The following SLC27A2 variants were observed in gnomAD, a reference collection of about 807,000 sequenced individuals.
SLC27A2 encodes long-chain fatty acid transport protein 2.
SLC27A2 carries 54 observed loss-of-function variants against 60.0 expected under a neutral mutation model. The ratio of observed to expected loss-of-function variants is 0.90; its 90% confidence interval spans 0.72 to 1.13. SLC27A2 has a LOEUF of 1.13. SLC27A2 is among the 50% of genes most tolerant of loss of function. The pLI, the probability that SLC27A2 is intolerant of heterozygous loss-of-function variation, is 0.00. For missense variants in SLC27A2, 739 were observed against 777.6 expected (o/e 0.95, Z 0.59); for synonymous variants, 297 against 297.6 (o/e 1.00, Z 0.02).
At chr15:50,206,455 C>A (rs2045112591) in intron 4 of SLC27A2, among the ~76,000 whole-genome samples, 1 of 152,160 alleles carries the variant, frequency 6.6e-6, no homozygotes, top group African/African-American at 2.4e-5. Context: ...AACATACCAG[C>A]TGCCGTGTGA....
At chr15:50,198,007 T>C (rs921278413) in intron 2 of SLC27A2, among the ~76,000 whole-genome samples, 3 of 152,140 alleles carry the variant, frequency 2.0e-5, no homozygotes, top group African/African-American at 7.2e-5. Flanking sequence ...TGGAATTTTT[T>C]TTCATGCTTG....
At chr15:50,210,503 T>G (rs1253033754) in intron 4 of SLC27A2, among the ~76,000 whole-genome samples, 1 of 152,132 alleles carries the variant, frequency 6.6e-6, no homozygotes, top group Non-Finnish European at 1.5e-5. Flanking sequence ...CTGGCTCCCC[T>G]AGCAGCCCAT....
intron 5 of SLC27A2, 53 bp from the exon 6 acceptor site, chr15:50,225,935 A>C (rs1015906824): frequency 3.4e-5 from 45 of 1,307,360 alleles, no homozygotes; most frequent in Non-Finnish European, 4.8e-5. Flanking sequence ...ACCACAATTA[A>C]AAAGGGAAAA....
intron 1 of SLC27A2, among the ~76,000 whole-genome samples, chr15:50,187,911 T>C (rs2044938105): frequency 6.7e-6 from 1 of 148,702 alleles, no homozygotes; most frequent in African/African-American, 2.5e-5. Flanking sequence ...TGAGAAAAAC[T>C]GATGGTACAA....
At chr15:50,221,351 C>T (rs531175442) in intron 4 of SLC27A2, among the ~76,000 whole-genome samples, 2 of 152,244 alleles carry the variant, frequency 1.3e-5, no homozygotes, top group South Asian at 2.1e-4. Context: ...TGACACATTT[C>T]CTCCTCAGAA....
chr15:50,188,692 G>T (rs553124512), intron 1 of SLC27A2, among the ~76,000 whole-genome samples: 12 of 152,330 alleles, frequency 7.9e-5, no homozygotes, highest in African/African-American at 2.9e-4. Context: ...GGGCACGGTG[G>T]CTCATGCCTG....
chr15:50,182,929 C>T (rs376378104), intron 1 of SLC27A2, 24 bp downstream of exon 1: 3 of 1,577,818 alleles, frequency 1.9e-6, no homozygotes, highest in African/African-American at 2.7e-5. Flanking sequence ...ATCGCCCTGC[C>T]CTGGCACCAG....
intron 1 of SLC27A2, among the ~76,000 whole-genome samples, chr15:50,195,917 T>C (rs2045011687): frequency 6.7e-6 from 1 of 149,358 alleles, no homozygotes; most frequent in African/African-American, 2.5e-5. Context: ...TAACTGGGCA[T>C]GGTGGCGGGC....
intron 1 of SLC27A2, among the ~76,000 whole-genome samples, chr15:50,188,126 A>C (rs2044940829): frequency 6.6e-6 from 1 of 152,148 alleles, no homozygotes; most frequent in Non-Finnish European, 1.5e-5. Context: ...CACCCAGTAG[A>C]ATGTGCTCAG....
In SLC27A2 at chr15:50,235,953, C is replaced by G; in HGVS notation, c.1720C>G (p.Arg574Gly). 1.2e-6 allele frequency: 2 copies of G among 1,613,476 alleles called. No homozygotes were observed. The highest frequency in any genetic ancestry group is 1.7e-6 in the Non-Finnish European group (2 of 1,179,800). The change falls in exon 10 of 10, where the codon CGC (arginine) becomes GGC (glycine). Residue 574 changes from arginine (R) to glycine (G), a missense_variant. Physicochemically the swap from Arg to Gly is moderately radical, Grantham distance 125. Coordinates refer to ENST00000267842, the MANE Select transcript of SLC27A2 (RefSeq NM_003645.4). Reference sequence around the variant, plus strand: ...TGAGATCACTGGAACTTTTAAACACCGCAAAATGACCCTGGTGGAGGAGGG... The same window carrying G: ...TGAGATCACTGGAACTTTTAAACACGGCAAAATGACCCTGGTGGAGGAGGG... ...TIEITGTFKH[R>G]KMTLVEEGFN...
intron 1 of SLC27A2, among the ~76,000 whole-genome samples, chr15:50,197,176 T>C (rs1349181151): frequency 6.6e-6 from 1 of 152,130 alleles, no homozygotes. Flanking sequence ...TGATTTTTTT[T>C]TTCAAATGTA....
intron 3 of SLC27A2, among the ~76,000 whole-genome samples, chr15:50,203,013 T>TAAAAAAAA (rs5812508): frequency 7.5e-6 from 1 of 133,108 alleles, no homozygotes; most frequent in African/African-American, 2.7e-5. Context: ...ACCTCATCTC[T>TAAAAAAAA]AAAAAAAATA....
intron 3 of SLC27A2, among the ~76,000 whole-genome samples, chr15:50,204,613 A>G (rs537212391): frequency 3.0e-4 from 45 of 151,908 alleles, no homozygotes; most frequent in African/African-American, 7.5e-4. Flanking sequence ...CGCGCCTGTA[A>G]TCCCAGCTAC....
At chr15:50,206,300 G>A (rs1484190670) in intron 4 of SLC27A2, among the ~76,000 whole-genome samples, 1 of 152,054 alleles carries the variant, frequency 6.6e-6, no homozygotes, top group Non-Finnish European at 1.5e-5. Context: ...TAACCTAGTT[G>A]AGAACCACTG....
chr15:50,229,472 C>G lies in SLC27A2; in HGVS notation c.1555+430C>G, dbSNP rs546363089. Among the ~76,000 whole-genome samples the G allele has an allele frequency of 7.2e-5, 11 of 152,240 alleles. No homozygotes were observed. The South Asian group carries it at 1.7e-3, about 23-fold the overall frequency. On this transcript the variant is annotated intron_variant, in intron 8 of 9. Transcript: ENST00000267842. ...CCTCTTCTTTTTAAGATTTCTAAGC[C>G]CAGTTCACCACACTAAGTTTCAGAA...
intron 4 of SLC27A2, among the ~76,000 whole-genome samples, chr15:50,216,171 A>G (rs1464033059): frequency 6.6e-6 from 1 of 152,230 alleles, no homozygotes; most frequent in African/African-American, 2.4e-5. Flanking sequence ...CAATTCTCAA[A>G]AGAAGATATA....
At position 50,202,595 on chromosome 15, in the gene SLC27A2, T is replaced by C; in HGVS notation, c.797T>C (p.Phe266Ser). 2 of 1,614,156 alleles carry C rather than the reference T, an allele frequency of 1.2e-6. No homozygotes were observed. The highest frequency in any genetic ancestry group is 1.7e-6 in the Non-Finnish European group (2 of 1,179,990). Residue 266 changes from phenylalanine to serine, a missense_variant, in exon 3 of 10, where the codon TTT becomes TCT. Physicochemically the swap from Phe to Ser is radical, Grantham distance 155. Coordinates refer to ENST00000267842, the MANE Select transcript of SLC27A2 (RefSeq NM_003645.4). ...GATGTCATCTATATCACTCTGCCCT[T>C]TTACCACAGTGCTGCACTACTGATT... ...ADDVIYITLPFYHSAALLIGI... is the reference protein window; with the variant it reads ...ADDVIYITLPSYHSAALLIGI...
chr15:50,220,218 C>T (rs2045232979), intron 4 of SLC27A2, among the ~76,000 whole-genome samples: 1 of 152,214 alleles, frequency 6.6e-6, no homozygotes, highest in Non-Finnish European at 1.5e-5. Flanking sequence ...TGAGGCTGGT[C>T]AGCTTCCCAC....
At chr15:50,200,648 A>C (rs2045056905) in intron 2 of SLC27A2, among the ~76,000 whole-genome samples, 1 of 152,120 alleles carries the variant, frequency 6.6e-6, no homozygotes, top group African/African-American at 2.4e-5. Flanking sequence ...CTGTTTACCC[A>C]CTCAGATCTT....
Sources: allele counts gnomAD v4.1 joint callset (sites outside exome capture counted in the v4.1 genomes callset), GRCh38; gene constraint gnomAD v4.1.1; transcripts MANE v1.5; gene names NCBI Gene and HGNC (gene_info 2026-07-23, HGNC 2026-07-21).